The following SLC35F2 variants were observed in gnomAD, a reference collection of about 807,000 sequenced individuals.
The protein encoded by SLC35F2 is solute carrier family 35 member F2, also known as queuine/queuosine transporter SLC35F2.
In SLC35F2, 25 loss-of-function variants were observed where a neutral mutation model predicts 38.1. That is an observed-to-expected ratio of 0.66 (90% confidence interval 0.48 to 0.92). The LOEUF is 0.92. Ranked by LOEUF, SLC35F2 falls within the 40% of genes least tolerant of loss-of-function variation. The probability of loss-of-function intolerance (pLI) is 0.00; values close to 1 mark genes in which losing one functional copy is unlikely to be tolerated. For synonymous variants in SLC35F2, 173 were observed against 181.7 expected, an observed-to-expected ratio of 0.95 and a Z score of 0.38; for missense variants, 409 against 452.9, an observed-to-expected ratio of 0.90 and a Z score of 0.88.
chr11:107,843,696 A>T (rs999521003), intron 1 of SLC35F2, among the ~76,000 whole-genome samples: 5 of 151,468 alleles, frequency 3.3e-5, no homozygotes, highest in South Asian at 4.2e-4. Context: ...TTCTACAAAA[A>T]TTTTTTTAAA....
chr11:107,819,676 T>C (rs1275298912), intron 1 of SLC35F2, among the ~76,000 whole-genome samples: 1 of 152,202 alleles, frequency 6.6e-6, no homozygotes, highest in Non-Finnish European at 1.5e-5. Context: ...AAAAGTTCAT[T>C]CATTTTGTGT....
At chr11:107,804,595 T>C (rs910272236) in intron 6 of SLC35F2, 123 bp downstream of exon 6, 4 of 669,590 alleles carry the variant, frequency 6.0e-6, no homozygotes, top group African/African-American at 3.8e-5. Flanking sequence ...ATAGTTGATA[T>C]GTATTAAATC....
At chr11:107,839,187 G>A (rs1302094243) in intron 1 of SLC35F2, among the ~76,000 whole-genome samples, 3 of 152,238 alleles carry the variant, frequency 2.0e-5, no homozygotes, top group Non-Finnish European at 2.9e-5. Flanking sequence ...CTGGCTGGAC[G>A]CAGTGACTCA....
intron 1 of SLC35F2, chr11:107,821,601 G>A: frequency 1.0e-6 from 1 of 985,430 alleles, no homozygotes; most frequent in South Asian, 4.7e-5. Context: ...CAAGGTCCTG[G>A]TTCATGTGAA....
chr11:107,843,846 TAAAAAAAAA>T (rs780744909), intron 1 of SLC35F2, among the ~76,000 whole-genome samples: 14 of 45,190 alleles, frequency 3.1e-4, no homozygotes, highest in African/African-American at 1.4e-3. Flanking sequence ...CTCTGTATCT[TAAAAAAAAA>T]AAAAAAAAAA....
intron 1 of SLC35F2, among the ~76,000 whole-genome samples, chr11:107,826,941 T>C (rs1859761832): frequency 6.6e-6 from 1 of 152,146 alleles, no homozygotes; most frequent in Non-Finnish European, 1.5e-5. Flanking sequence ...GAAAATTATA[T>C]TGATGGAAGC....
chr11:107,840,144 G>A lies in SLC35F2; in HGVS notation c.110+18514C>T, dbSNP rs572148411. Among the ~76,000 whole-genome samples the A allele has an allele frequency of 2.6e-5, 4 of 152,236 alleles. No homozygotes were observed. In the South Asian group the frequency reaches 8.3e-4, roughly 32 times the overall value. ...TCTTCTGTGAGAAAAATTCTAAGAGGTGCACAAACATGGACACACTCCAAA... is the reference window on the plus strand; with the variant it reads ...TCTTCTGTGAGAAAAATTCTAAGAGATGCACAAACATGGACACACTCCAAA... On this transcript the variant is annotated intron_variant, in intron 1 of 7. Transcript: ENST00000525815.
rs371255646 is a variant in SLC35F2, at chr11:107,858,759, T to C, written c.9A>G (p.Ala3=). Residue 3 remains alanine (A), a synonymous_variant, in exon 1 of 8, where the codon GCA becomes GCG. Transcript: ENST00000525815. ME[A]DSPAGPGAPE... ...GGGCGCCGGGGCCCGCTGGCGAGTC[T>C]GCCTCCATCGGCGCCCTTGCGCGTC... 2.6e-4 allele frequency: 334 copies of C among 1,267,510 alleles called. 1 individual carries two copies. The African/African-American group carries it at 2.9e-3, about 11-fold the overall frequency. 78.5% of individuals were successfully genotyped at this position (1,267,510 alleles called of 1,614,324 possible). A position where few individuals can be genotyped will look rare whatever the true frequency, so the allele number is the denominator to read the frequency against.
Position 107,842,257 on chromosome 11 carries a change from C to CAAAAAAAAAAAA in SLC35F2, c.110+16389_110+16400dup, listed in dbSNP as rs541185009. Among the ~76,000 whole-genome samples the CAAAAAAAAAAAA allele has an allele frequency of 7.7e-3, 292 of 37,902 alleles. 75 individuals carry two copies. Among genetic ancestry groups the CAAAAAAAAAAAA allele is most frequent in the Middle Eastern group, 0.042 (1 of 24 alleles). The allele number at this position is 37,902 out of a possible 152,430, so 24.9% of individuals were successfully genotyped here. A position where few individuals can be genotyped will look rare whatever the true frequency, so the allele number is the denominator to read the frequency against. On this transcript the variant is annotated intron_variant, in intron 1 of 7. Coordinates refer to ENST00000525815, the MANE Select transcript of SLC35F2 (RefSeq NM_017515.5). ...GGCGACAGAGTGAGACTCCGTCTCACAAAAAAAAAAAAAAAAAAAAAAAAA... is the reference window on the plus strand; with the variant it reads ...GGCGACAGAGTGAGACTCCGTCTCACAAAAAAAAAAAAAAAAAAAAAAAAAAAAAAAAAAAAA...
At chr11:107,794,409 GCA>G (rs1430969698) in intron 7 of SLC35F2, among the ~76,000 whole-genome samples, 1 of 152,126 alleles carries the variant, frequency 6.6e-6, no homozygotes, top group Non-Finnish European at 1.5e-5. Flanking sequence ...GCATGATAAA[GCA>G]CAGAAAGAGA....
chr11:107,854,238 C>T (rs1339966911), intron 1 of SLC35F2, among the ~76,000 whole-genome samples: 1 of 151,112 alleles, frequency 6.6e-6, no homozygotes, highest in Non-Finnish European at 1.5e-5. Context: ...TTGAGACCAG[C>T]CTGGGCAACA....
chr11:107,802,584 T>C (rs1859327103), intron 7 of SLC35F2, among the ~76,000 whole-genome samples: 1 of 152,216 alleles, frequency 6.6e-6, no homozygotes, highest in African/African-American at 2.4e-5. Flanking sequence ...ACTGGCCATC[T>C]CTCTTTCCTT....
chr11:107,853,200 T>A (rs1425581334), intron 1 of SLC35F2, among the ~76,000 whole-genome samples: 3 of 152,116 alleles, frequency 2.0e-5, no homozygotes, highest in African/African-American at 7.2e-5. Context: ...ACGATCACCT[T>A]CCCTCTCAAG....
chr11:107,837,308 G>A (rs1859944215), intron 1 of SLC35F2, among the ~76,000 whole-genome samples: 2 of 152,014 alleles, frequency 1.3e-5, no homozygotes, highest in Non-Finnish European at 2.9e-5. Context: ...TTTTAACCAA[G>A]TTTATGTGCC....
intron 1 of SLC35F2, among the ~76,000 whole-genome samples, chr11:107,826,026 A>G (rs1859749590): frequency 6.6e-6 from 1 of 152,204 alleles, no homozygotes; most frequent in South Asian, 2.1e-4. Flanking sequence ...AAAGCTATTC[A>G]TTACAGCACT....
chr11:107,858,638 A>C lies in SLC35F2; in HGVS notation c.110+20T>G. 7.8e-7 allele frequency: 1 copy of C among 1,277,308 alleles called. No homozygotes were observed. The highest frequency in any genetic ancestry group is 1.0e-6 in the Non-Finnish European group (1 of 1,004,030). 79.1% of individuals were successfully genotyped at this position (1,277,308 alleles called of 1,614,324 possible). The stretch of plus-strand genomic sequence containing the variant: ...CGCCCCCACGCCCCAGCGGAGCTGC[A>C]GCACGCCCCTTCCACTCACCAGGTG... On this transcript the variant is annotated intron_variant, in intron 1 of 7. Coordinates refer to ENST00000525815, the MANE Select transcript of SLC35F2 (RefSeq NM_017515.5).
chr11:107,841,783 C>T (rs1408169433), intron 1 of SLC35F2, among the ~76,000 whole-genome samples: 1 of 152,046 alleles, frequency 6.6e-6, no homozygotes, highest in Non-Finnish European at 1.5e-5. Flanking sequence ...ACCAGCCTAG[C>T]CAACATGGCA....
At chr11:107,809,253 G>A (rs1231402400) in intron 3 of SLC35F2, among the ~76,000 whole-genome samples, 2 of 150,576 alleles carry the variant, frequency 1.3e-5, no homozygotes, top group Non-Finnish European at 2.9e-5. Context: ...AGAGGCCAAG[G>A]CCGGAGGATC....
rs182391535 is a variant in SLC35F2, at chr11:107,806,447, T to G, written c.574+270A>C. ...CTCACTTGTAGACTGGGTGAATTCA[T>G]GGACCTTAATTAGATTTTATAGTAT... On this transcript the variant is annotated intron_variant, in intron 4 of 7. Coordinates refer to ENST00000525815, the MANE Select transcript of SLC35F2 (RefSeq NM_017515.5). Among the ~76,000 whole-genome samples, 5 of 152,240 alleles carry G rather than the reference T, an allele frequency of 3.3e-5. No individual in the cohort carries two copies. The South Asian group carries it at 6.2e-4, about 19-fold the overall frequency.
Sources: allele counts gnomAD v4.1 joint callset (sites outside exome capture counted in the v4.1 genomes callset), GRCh38; gene constraint gnomAD v4.1.1; transcripts MANE v1.5; gene names NCBI Gene and HGNC (gene_info 2026-07-23, HGNC 2026-07-21).